FBXO42: variants seen among roughly 807,000 people sequenced by gnomAD.
The protein encoded by FBXO42 is F-box only protein 42.
In FBXO42, 12 loss-of-function variants were observed where a neutral mutation model predicts 71.7. The observed-to-expected ratio is 0.17, with a 90% CI of 0.11 to 0.27. FBXO42 has a LOEUF of 0.27. Among genes scored for constraint, FBXO42 ranks in the 10% least tolerant of loss-of-function variants. The pLI, the probability that FBXO42 is intolerant of heterozygous loss-of-function variation, is 1.00. For synonymous variants in FBXO42, 325 were observed against 327.5 expected (o/e 0.99, Z 0.08); for missense variants, 707 against 911.9 (o/e 0.78, Z 2.89).
At chr1:16,265,716 GTTAT>G (rs1045534187) in intron 4 of FBXO42, among the ~76,000 whole-genome samples, 1 of 151,290 alleles carries the variant, frequency 6.6e-6, no homozygotes. Context: ...AACCTAAAGG[GTTAT>G]TTAATGAAAG....
chr1:16,268,417 T>G (rs1276671282), intron 4 of FBXO42, among the ~76,000 whole-genome samples: 1 of 152,154 alleles, frequency 6.6e-6, no homozygotes, highest in Non-Finnish European at 1.5e-5. Context: ...ACTTTCTAAA[T>G]AAACAAGAAG....
rs568109269 is a variant in FBXO42, at chr1:16,344,755, A to C, written c.-18+7500T>G. Reference sequence around the variant, plus strand: ...ATAAAATCAAAAGAAAAAATCCCATAAATGTGTTAAATTCAGTTGTAAATA... The same window carrying C: ...ATAAAATCAAAAGAAAAAATCCCATCAATGTGTTAAATTCAGTTGTAAATA... On this transcript the variant is annotated intron_variant, in intron 1 of 9. Coordinates refer to ENST00000375592, the MANE Select transcript of FBXO42 (RefSeq NM_018994.3). Among the ~76,000 whole-genome samples, 12 of 152,316 alleles carry C rather than the reference A, an allele frequency of 7.9e-5. No homozygotes were observed. The South Asian group carries it at 2.3e-3, about 29-fold the overall frequency.
At chr1:16,335,057 T>G (rs1234812787) in intron 1 of FBXO42, among the ~76,000 whole-genome samples, 1 of 61,494 alleles carries the variant, frequency 1.6e-5, no homozygotes, top group Non-Finnish European at 3.2e-5. Flanking sequence ...CAAAACCTCG[T>G]CTGTACAAAA....
At chr1:16,287,477 A>G (rs990482842) in intron 4 of FBXO42, among the ~76,000 whole-genome samples, 1 of 152,216 alleles carries the variant, frequency 6.6e-6, no homozygotes, top group African/African-American at 2.4e-5. Flanking sequence ...TTATTGACTC[A>G]TGTGTCCCTG....
chr1:16,251,768 C>T lies in FBXO42; in HGVS notation c.1056G>A (p.Val352=). The change falls in exon 10 of 10, where the codon GTG becomes GTA. Residue 352 remains valine (V), a synonymous_variant. Transcript: ENST00000375592. This position sits in a 1 kb window ranked among gnomAD's most constrained non-coding sequence, Gnocchi z 4.5. The part of the protein sequence containing the change: ...HPACRVGQCV[V]VFSQAPSGRA... ...TCCCACTAGGAGCCTGGCTGAAGAC[C>T]ACCACACACTGTCCCACCTGGAAGA... The T allele has an allele frequency of 6.2e-7, 1 of 1,613,430 alleles. No homozygotes were observed. The highest frequency in any genetic ancestry group is 8.5e-7 in the Non-Finnish European group (1 of 1,179,578).
At chr1:16,278,904 G>A (rs1162134197) in intron 4 of FBXO42, among the ~76,000 whole-genome samples, 3 of 151,920 alleles carry the variant, frequency 2.0e-5, no homozygotes, top group African/African-American at 4.8e-5. Context: ...TCAGCCTCCC[G>A]AGCAGCTGGG....
At chr1:16,342,059 C>T (rs1171090982) in intron 1 of FBXO42, among the ~76,000 whole-genome samples, 4 of 151,608 alleles carry the variant, frequency 2.6e-5, no homozygotes, top group Non-Finnish European at 4.4e-5. Flanking sequence ...GGTGGATCAC[C>T]TGAGCCCAGG....
chr1:16,342,778 G>A (rs2082619493), intron 1 of FBXO42, among the ~76,000 whole-genome samples: 1 of 152,038 alleles, frequency 6.6e-6, no homozygotes, highest in Non-Finnish European at 1.5e-5. Context: ...ACTGGGTGGT[G>A]TTTAGGTAAT....
chr1:16,253,557 T>A, intron 7 of FBXO42, 78 bp downstream of exon 7: 2 of 1,336,378 alleles, frequency 1.5e-6, no homozygotes, highest in Non-Finnish European at 2.1e-6. Context: ...GCATCTTACC[T>A]GACTCCCTCC....
At chr1:16,271,556 C>G (rs2081845965) in intron 4 of FBXO42, among the ~76,000 whole-genome samples, 1 of 151,972 alleles carries the variant, frequency 6.6e-6, no homozygotes, top group Non-Finnish European at 1.5e-5. Context: ...GCTGGGATTA[C>G]ATGCATGAGC....
At chr1:16,270,751 TACACACACACACACACAC>T (rs58610558) in intron 4 of FBXO42, among the ~76,000 whole-genome samples, 15 of 111,002 alleles carry the variant, frequency 1.4e-4, no homozygotes, top group Non-Finnish European at 1.8e-4. Flanking sequence ...TACCATGAGA[TACACACACACACACACAC>T]ACACACACAC....
At chr1:16,272,326 C>T (rs1445331525) in intron 4 of FBXO42, among the ~76,000 whole-genome samples, 10 of 151,404 alleles carry the variant, frequency 6.6e-5, no homozygotes, top group Admixed American at 3.9e-4. Flanking sequence ...ATGGCACGAT[C>T]TTGGCTCACC....
At chr1:16,338,160 G>A (rs1414310834) in intron 1 of FBXO42, among the ~76,000 whole-genome samples, 1 of 151,620 alleles carries the variant, frequency 6.6e-6, no homozygotes, top group African/African-American at 2.4e-5. Context: ...TCGGGAGGCT[G>A]AGGCAGGAGA....
At chr1:16,316,598 A>AGT (rs1313170414) in intron 1 of FBXO42, among the ~76,000 whole-genome samples, 2 of 151,332 alleles carry the variant, frequency 1.3e-5, no homozygotes, top group Non-Finnish European at 2.9e-5. Context: ...AGCCAGGTGT[A>AGT]GTGGCGCGTG....
At chr1:16,283,637 C>T (rs1305878369) in intron 4 of FBXO42, among the ~76,000 whole-genome samples, 2 of 151,596 alleles carry the variant, frequency 1.3e-5, no homozygotes, top group East Asian at 1.9e-4. Context: ...GCTGGGATTA[C>T]AGGCACCCAC....
chr1:16,339,802 T>G (rs1244767744), intron 1 of FBXO42, among the ~76,000 whole-genome samples: 1 of 152,148 alleles, frequency 6.6e-6, no homozygotes, highest in African/African-American at 2.4e-5. Context: ...ATCATAAAAA[T>G]CACCTGGCCA....
chr1:16,328,618 T>C (rs6663834), intron 1 of FBXO42, among the ~76,000 whole-genome samples: 4 of 151,846 alleles, frequency 2.6e-5, no homozygotes, highest in African/African-American at 4.8e-5. Flanking sequence ...GTGCATAATA[T>C]ACACACACAC....
intron 4 of FBXO42, among the ~76,000 whole-genome samples, chr1:16,264,127 TG>T (rs1173283423): frequency 3.3e-5 from 5 of 152,280 alleles, no homozygotes; most frequent in Non-Finnish European, 5.9e-5. Context: ...AATTTTTATA[TG>T]GAGTAGCCGT....
intron 4 of FBXO42, among the ~76,000 whole-genome samples, chr1:16,289,735 A>G (rs761613292): frequency 9.9e-5 from 15 of 152,190 alleles, no homozygotes; most frequent in Non-Finnish European, 1.3e-4. Flanking sequence ...GTCTCCCCTA[A>G]CAGCATGGGC....
Sources: allele counts gnomAD v4.1 joint callset (sites outside exome capture counted in the v4.1 genomes callset), GRCh38; gene constraint gnomAD v4.1.1; non-coding constraint Gnocchi (gnomAD v3.1); transcripts MANE v1.5; gene names NCBI Gene and HGNC (gene_info 2026-07-23, HGNC 2026-07-21).